NKAIN2: variants seen among roughly 807,000 people sequenced by gnomAD.
NKAIN2 encodes the protein sodium/potassium-transporting ATPase subunit beta-1-interacting protein 2.
A neutral mutation model predicts 32.6 loss-of-function variants in NKAIN2; 14 were observed. The observed-to-expected ratio is 0.43, with a 90% CI of 0.28 to 0.67. The LOEUF (loss-of-function observed/expected upper bound fraction) is 0.67. Ranked by LOEUF, NKAIN2 falls within the 30% of genes least tolerant of loss-of-function variation. The probability of loss-of-function intolerance (pLI) is 0.17; values close to 1 mark genes in which losing one functional copy is unlikely to be tolerated. For synonymous variants in NKAIN2, 80 were observed against 87.2 expected (o/e 0.92, Z 0.46); for missense variants, 198 against 258.3 (o/e 0.77, Z 1.60).
At chr6:124,424,394 ATG>A (rs905305869) in intron 3 of NKAIN2, among the ~76,000 whole-genome samples, 7 of 151,828 alleles carry the variant, frequency 4.6e-5, no homozygotes, top group African/African-American at 1.2e-4. Flanking sequence ...GTGTGTGTGT[ATG>A]TGTGTGTGTG....
At chr6:124,706,947 C>T (rs922997655) in intron 4 of NKAIN2, among the ~76,000 whole-genome samples, 20 of 151,846 alleles carry the variant, frequency 1.3e-4, no homozygotes, top group Admixed American at 1.3e-3. Context: ...CCCACTAACT[C>T]GTCATCTAGC....
chr6:124,140,370 A>G (rs1319454011), intron 1 of NKAIN2, among the ~76,000 whole-genome samples: 4 of 152,324 alleles, frequency 2.6e-5, no homozygotes, highest in Non-Finnish European at 4.4e-5. Context: ...AGTTGTTGAC[A>G]TTTCTCTTGG....
intron 1 of NKAIN2, among the ~76,000 whole-genome samples, chr6:123,839,506 C>T (rs571121896): frequency 1.3e-5 from 2 of 152,120 alleles, no homozygotes; most frequent in South Asian, 2.1e-4. Flanking sequence ...ATAAGCATTT[C>T]GTTTTGTTTT....
chr6:124,337,146 C>T (rs769957536), intron 2 of NKAIN2, among the ~76,000 whole-genome samples: 2 of 152,046 alleles, frequency 1.3e-5, no homozygotes, highest in African/African-American at 2.4e-5. Context: ...TTATGATGTA[C>T]CATCAATAAA....
intron 1 of NKAIN2, among the ~76,000 whole-genome samples, chr6:124,216,118 A>C (rs1288602282): frequency 1.7e-5 from 2 of 120,118 alleles, no homozygotes; most frequent in Non-Finnish European, 3.3e-5. Context: ...ACTCTGTCTC[A>C]AAAAAAAAAA....
At chr6:124,361,834 G>A (rs1409233342) in intron 3 of NKAIN2, among the ~76,000 whole-genome samples, 4 of 152,076 alleles carry the variant, frequency 2.6e-5, no homozygotes, top group Non-Finnish European at 5.9e-5. Context: ...CAAGTGCAAT[G>A]TGGAATAATG....
chr6:124,557,293 G>A (rs1007591520), intron 3 of NKAIN2, among the ~76,000 whole-genome samples: 3 of 151,946 alleles, frequency 2.0e-5, no homozygotes, highest in African/African-American at 4.8e-5. Context: ...GGGAAATTTC[G>A]TATTCAAAGT....
At chr6:124,112,955 A>G (rs1239127520) in intron 1 of NKAIN2, among the ~76,000 whole-genome samples, 1 of 148,772 alleles carries the variant, frequency 6.7e-6, no homozygotes, top group African/African-American at 2.6e-5. Context: ...TCTTACTTTC[A>G]TTGGGCTCTC....
At chr6:124,253,958 C>G (rs1384899495) in intron 1 of NKAIN2, among the ~76,000 whole-genome samples, 1 of 151,694 alleles carries the variant, frequency 6.6e-6, no homozygotes, top group Non-Finnish European at 1.5e-5. Flanking sequence ...GCTGGGATTA[C>G]AGGCATGCAC....
At chr6:124,779,915 T>A (rs1274117779) in intron 4 of NKAIN2, among the ~76,000 whole-genome samples, 1 of 152,230 alleles carries the variant, frequency 6.6e-6, no homozygotes, top group Non-Finnish European at 1.5e-5. Flanking sequence ...GTTGTTACTT[T>A]AAGCCACTAA....
intron 1 of NKAIN2, among the ~76,000 whole-genome samples, chr6:123,880,971 A>G (rs767183415): frequency 2.1e-4 from 32 of 152,310 alleles, no homozygotes; most frequent in African/African-American, 7.0e-4. Flanking sequence ...CCAAAGTTAT[A>G]TTACAGGGTG....
At chr6:124,756,718 G>A (rs1225388369) in intron 4 of NKAIN2, among the ~76,000 whole-genome samples, 2 of 152,110 alleles carry the variant, frequency 1.3e-5, no homozygotes, top group African/African-American at 2.4e-5. Flanking sequence ...GAAATTCATA[G>A]TAGAGTGGAA....
chr6:124,536,062 G>A (rs1389490060), intron 3 of NKAIN2, among the ~76,000 whole-genome samples: 2 of 152,206 alleles, frequency 1.3e-5, no homozygotes, highest in Non-Finnish European at 2.9e-5. Context: ...ACGCAGAAGA[G>A]GCCATCCCTG....
At chr6:124,587,943 A>T (rs1424673214) in intron 3 of NKAIN2, among the ~76,000 whole-genome samples, 6 of 152,174 alleles carry the variant, frequency 3.9e-5, no homozygotes, top group Admixed American at 1.3e-4. Flanking sequence ...GATTTTTTTT[A>T]AATTTATTTT....
Position 124,703,325 on chromosome 6 carries a change from C to G in NKAIN2, c.474+44939C>G, listed in dbSNP as rs1774894893. ...CCTACATGAGAAATTTTCTTCCAGACCTTAGAGAATCAACATAAACTTTAA... is the reference window on the plus strand; with the variant it reads ...CCTACATGAGAAATTTTCTTCCAGAGCTTAGAGAATCAACATAAACTTTAA... On this transcript the variant is annotated intron_variant, in intron 4 of 6. Transcript: ENST00000368417. Among the ~76,000 whole-genome samples the G allele has an allele frequency of 5.3e-5, 8 of 151,962 alleles. No individual in the cohort carries two copies. The South Asian group carries it at 1.5e-3, about 28-fold the overall frequency.
At chr6:124,461,504 T>G (rs554540300) in intron 3 of NKAIN2, among the ~76,000 whole-genome samples, 1 of 151,772 alleles carries the variant, frequency 6.6e-6, no homozygotes, top group East Asian at 1.9e-4. Flanking sequence ...TTTTAGAAAA[T>G]TTCTCTTTTT....
chr6:124,548,014 T>C (rs1299699173), intron 3 of NKAIN2, among the ~76,000 whole-genome samples: 5 of 152,188 alleles, frequency 3.3e-5, no homozygotes, highest in African/African-American at 1.2e-4. Context: ...GTATTATTGT[T>C]GTGTGAAATT....
intron 1 of NKAIN2, among the ~76,000 whole-genome samples, chr6:124,058,035 G>T (rs1782742588): frequency 6.6e-6 from 1 of 152,028 alleles, no homozygotes; most frequent in Non-Finnish European, 1.5e-5. Context: ...AATGAGATTA[G>T]ATAATAGTTA....
Position 124,444,741 on chromosome 6 carries a change from C to T in NKAIN2, c.273+89394C>T, listed in dbSNP as rs114289660. Reference sequence around the variant, plus strand: ...TATCTCCTGATCTTTTTTTATGTCCCTATAGAATTCCAAACACAAAAATTA... The same window carrying T: ...TATCTCCTGATCTTTTTTTATGTCCTTATAGAATTCCAAACACAAAAATTA... On this transcript the variant is annotated intron_variant, in intron 3 of 6. Transcript: ENST00000368417. Among the ~76,000 whole-genome samples, 1,100 of 151,666 alleles carry T rather than the reference C, an allele frequency of 7.3e-3. 13 individuals are homozygous for T. The highest frequency in any genetic ancestry group is 0.025 in the African/African-American group (1,040 of 41,384).
Sources: gnomAD v4.1 joint callset for allele counts (sites outside exome capture counted in the v4.1 genomes callset) on GRCh38, gnomAD v4.1.1 for gene constraint, MANE v1.5 for transcripts, NCBI Gene and HGNC (gene_info 2026-07-23, HGNC 2026-07-21) for gene names.